The following PRH1 variants were observed in gnomAD, a reference collection of about 807,000 sequenced individuals.
The protein encoded by PRH1 is proline rich protein HaeIII subfamily 1.
In PRH1, 7 loss-of-function variants were observed where a neutral mutation model predicts 7.9. The ratio of observed to expected loss-of-function variants is 0.89; its 90% confidence interval spans 0.50 to 1.67. The LOEUF is 1.67. Ranked by LOEUF, PRH1 falls within the 40% of genes most tolerant of loss-of-function variation. PRH1 has a pLI of 0.00. For synonymous variants in PRH1, 45 were observed against 80.8 expected (o/e 0.56, Z 2.38); for missense variants, 109 against 223.6 (o/e 0.49, Z 3.27).
At chr12:10,989,073 G>A (rs1191141729) in intron 1 of PRH1, among the ~76,000 whole-genome samples, 1 of 152,126 alleles carries the variant, frequency 6.6e-6, no homozygotes, top group Non-Finnish European at 1.5e-5. Context: ...CTCCCAAAGT[G>A]CTGGGATTAC....
chr12:10,894,695 G>C (rs1361942319), intron 2 of PRH1, among the ~76,000 whole-genome samples: 1 of 152,046 alleles, frequency 6.6e-6, no homozygotes, highest in Non-Finnish European at 1.5e-5. Context: ...ATTGATCACA[G>C]TGCCTAATGA....
intron 1 of PRH1, among the ~76,000 whole-genome samples, chr12:11,148,097 T>C (rs929821119): frequency 6.9e-6 from 1 of 145,232 alleles, no homozygotes; most frequent in Non-Finnish European, 1.5e-5. Flanking sequence ...TTGTCTGTTA[T>C]TGGTGTATAA....
At chr12:10,936,595 C>T (rs572434851) in intron 2 of PRH1, among the ~76,000 whole-genome samples, 1 of 152,206 alleles carries the variant, frequency 6.6e-6, no homozygotes, top group South Asian at 2.1e-4. Flanking sequence ...TTTATCAAAC[C>T]CCCAGTTACC....
intron 1 of PRH1, among the ~76,000 whole-genome samples, chr12:11,141,954 A>C (rs1039505741): frequency 6.6e-6 from 1 of 151,416 alleles, no homozygotes; most frequent in Non-Finnish European, 1.5e-5. Context: ...CATCCAGATA[A>C]TTTTTTTTTA....
chr12:11,038,637 G>C (rs1942559780), intron 1 of PRH1, among the ~76,000 whole-genome samples: 1 of 152,268 alleles, frequency 6.6e-6, no homozygotes, highest in Non-Finnish European at 1.5e-5. Flanking sequence ...TTTGATCACT[G>C]TATAGTATTC....
At chr12:10,884,830 T>G (rs2418216), upstream of PRH1, among the ~76,000 whole-genome samples, 75,712 of 151,410 alleles carry the variant, frequency 0.5, 21,143 homozygotes, top group East Asian at 0.72. Flanking sequence ...GAGAGAAAGG[T>G]GCTGGCAGCC....
chr12:10,965,212 A>C, intron 2 of PRH1: 2 of 1,485,544 alleles, frequency 1.3e-6, no homozygotes, highest in Non-Finnish European at 1.8e-6. Flanking sequence ...GAGCAGTGAG[A>C]ATTTGGTCAG....
At chr12:10,938,630 A>G (rs1363445531) in intron 2 of PRH1, 1 of 1,614,006 alleles carries the variant, frequency 6.2e-7, no homozygotes, top group Non-Finnish European at 8.5e-7. Flanking sequence ...TGCCAGGGAC[A>G]AAGTAAAGGG....
intron 1 of PRH1, among the ~76,000 whole-genome samples, chr12:10,999,807 T>C (rs953344460): frequency 1.3e-5 from 2 of 152,160 alleles, no homozygotes; most frequent in Non-Finnish European, 2.9e-5. Context: ...GAACTGTGTA[T>C]AGGTGCAGTC....
At chr12:11,167,292 A>G (rs911644219) in intron 1 of PRH1, among the ~76,000 whole-genome samples, 6 of 152,154 alleles carry the variant, frequency 3.9e-5, no homozygotes, top group Admixed American at 3.3e-4. Flanking sequence ...GCTCCCAGGT[A>G]TTCTAAACTG....
At chr12:10,887,041 T>G (rs569997081), upstream of PRH1, among the ~76,000 whole-genome samples, 33 of 152,312 alleles carry the variant, frequency 2.2e-4, no homozygotes, top group African/African-American at 6.5e-4. Flanking sequence ...GTGCTTCAAA[T>G]CTCCTGTTTT....
intron 1 of PRH1, among the ~76,000 whole-genome samples, chr12:11,083,919 G>A (rs369564121): frequency 0.3 from 14,638 of 48,482 alleles, 752 homozygotes; most frequent in East Asian, 0.42. Context: ...TAAACATGTT[G>A]CTCTAGTTGG....
At chr12:10,977,494 A>G (rs1025093964) in intron 1 of PRH1, among the ~76,000 whole-genome samples, 1 of 152,182 alleles carries the variant, frequency 6.6e-6, no homozygotes, top group African/African-American at 2.4e-5. Context: ...CCCCTGGAAG[A>G]TAGGAACAAG....
chr12:11,054,864 G>A (rs1356559122), intron 1 of PRH1, among the ~76,000 whole-genome samples: 22 of 129,330 alleles, frequency 1.7e-4, no homozygotes, highest in Middle Eastern at 4.0e-3. Context: ...GTGCAGTGGC[G>A]AGATCTCGGC....
At chr12:11,068,142 A>C (rs1277928750) in intron 1 of PRH1, among the ~76,000 whole-genome samples, 1 of 152,122 alleles carries the variant, frequency 6.6e-6, no homozygotes, top group Non-Finnish European at 1.5e-5. Context: ...TGGTCAGAAA[A>C]TAGAATTTGC....
intron 1 of PRH1, chr12:11,061,491 T>G (rs1943599802): frequency 2.5e-6 from 4 of 1,614,032 alleles, no homozygotes; most frequent in Middle Eastern, 1.6e-4. Context: ...GATAGCTGAA[T>G]GCAATAGCTT....
chr12:11,001,195 T>C (rs12581501), intron 1 of PRH1, among the ~76,000 whole-genome samples: 34,505 of 151,666 alleles, frequency 0.23, 3,972 homozygotes, highest in Non-Finnish European at 0.24. Context: ...TGTTGATGAG[T>C]CTTCACCACA....
At chr12:11,165,418 G>A (rs1372697211) in intron 1 of PRH1, among the ~76,000 whole-genome samples, 1 of 152,070 alleles carries the variant, frequency 6.6e-6, no homozygotes, top group African/African-American at 2.4e-5. Context: ...AATTGCCAAA[G>A]GAATCTTTCA....
rs3033036 is a variant in PRH1, at chr12:10,981,864, A to ATTTT, written c.-125-8147_-125-8144dup. Among the ~76,000 whole-genome samples, 406 of 141,658 alleles carry ATTTT rather than the reference A, an allele frequency of 2.9e-3. 9 individuals carry two copies. Among genetic ancestry groups the ATTTT allele is most frequent in the Middle Eastern group, 7.2e-3 (2 of 276 alleles). The allele number at this position is 141,658 out of a possible 152,430, so 92.9% of individuals were successfully genotyped here. ...AGGCACACACTACCACAAACAACTA[A>ATTTT]TTTTTTTTTTTTTTTTTACAGATTC... On this transcript the variant is annotated intron_variant, in intron 1 of 3. Coordinates refer to the PRH1 transcript ENST00000539853.
Sources: gnomAD v4.1 joint callset for allele counts (sites outside exome capture counted in the v4.1 genomes callset) on GRCh38, gnomAD v4.1.1 for gene constraint, MANE v1.5 for transcripts, NCBI Gene and HGNC (gene_info 2026-07-23, HGNC 2026-07-21) for gene names.